CDC73: variants seen among roughly 807,000 people sequenced by gnomAD.
The protein encoded by CDC73 is parafibromin.
Under a neutral mutation model 83.7 loss-of-function variants are expected in CDC73, and 21 were observed. That is an observed-to-expected ratio of 0.25 (90% CI 0.18 to 0.36). The LOEUF (loss-of-function observed/expected upper bound fraction) is 0.36. CDC73 is among the 10% of genes least tolerant of loss of function. CDC73 has a pLI of 1.00. For synonymous variants in CDC73, 224 were observed against 212.9 expected (o/e 1.05, Z -0.45); for missense variants, 342 against 653.3 (o/e 0.52, Z 5.19).
At chr1:193,139,110 A>G (rs1048923062) in intron 6 of CDC73, among the ~76,000 whole-genome samples, 3 of 151,496 alleles carry the variant, frequency 2.0e-5, no homozygotes, top group African/African-American at 7.3e-5. Flanking sequence ...GTTCACTTAC[A>G]TTCTTCTCTT....
At chr1:193,147,116 C>T (rs1275585607) in intron 7 of CDC73, among the ~76,000 whole-genome samples, 1 of 151,894 alleles carries the variant, frequency 6.6e-6, no homozygotes, top group African/African-American at 2.4e-5. Flanking sequence ...CCTCAGCCTC[C>T]CAAGTAGCTG....
intron 14 of CDC73, among the ~76,000 whole-genome samples, chr1:193,234,907 A>AT (rs11448706): frequency 0.97 from 148,199 of 152,132 alleles, 72,209 homozygotes; most frequent in East Asian, 1. Context: ...ATTTTTTTTA[A>AT]TTTTTTATTT....
At chr1:193,199,118 A>C (rs185804781) in intron 10 of CDC73, among the ~76,000 whole-genome samples, 5 of 152,340 alleles carry the variant, frequency 3.3e-5, no homozygotes, top group African/African-American at 1.2e-4. Context: ...TCGTATACAT[A>C]TACCTCAAGG....
chr1:193,206,225 TTAATG>T (rs1677186995), intron 11 of CDC73, among the ~76,000 whole-genome samples: 1 of 152,162 alleles, frequency 6.6e-6, no homozygotes, highest in Non-Finnish European at 1.5e-5. Flanking sequence ...CTTTCACCTC[TTAATG>T]TTCTAGCTTA....
At chr1:193,200,566 G>A (rs539589749) in intron 10 of CDC73, among the ~76,000 whole-genome samples, 3 of 152,222 alleles carry the variant, frequency 2.0e-5, no homozygotes, top group South Asian at 2.1e-4. Context: ...AAATTATAAT[G>A]CTTCTGACTT....
chr1:193,240,136 C>A (rs1230469196), intron 15 of CDC73, among the ~76,000 whole-genome samples: 1 of 152,144 alleles, frequency 6.6e-6, no homozygotes, highest in Non-Finnish European at 1.5e-5. Flanking sequence ...TGCCTGGTTT[C>A]TTTCACTTAA....
chr1:193,156,384 T>C (rs771835040), intron 10 of CDC73, among the ~76,000 whole-genome samples: 12 of 152,234 alleles, frequency 7.9e-5, no homozygotes, highest in South Asian at 6.2e-4. Flanking sequence ...ACCCTGCAAT[T>C]ATAGAGATTA....
chr1:193,182,180 T>C (rs1013605026), intron 10 of CDC73, among the ~76,000 whole-genome samples: 10 of 152,164 alleles, frequency 6.6e-5, no homozygotes, highest in African/African-American at 1.9e-4. Context: ...AGAGTTCTGT[T>C]AGTCACAGTA....
At chr1:193,135,651 T>G (rs1437673492) in intron 5 of CDC73, 62 bp downstream of exon 5, 2 of 1,341,816 alleles carry the variant, frequency 1.5e-6, no homozygotes, top group Non-Finnish European at 1.0e-6. Context: ...GATTCTTTAG[T>G]AACAAGGATT....
In CDC73 at chr1:193,165,539, GATAC is replaced by G. The variant is rs573188706; in HGVS notation, c.972+13101_972+13104del. Among the ~76,000 whole-genome samples the G allele has an allele frequency of 1.4e-3, 213 of 152,266 alleles. 1 individual carries two copies. Among genetic ancestry groups the G allele is most frequent in the Middle Eastern group, 6.8e-3 (2 of 294 alleles). On this transcript the variant is annotated intron_variant, in intron 10 of 16. Transcript: ENST00000367435. ...CTGTGACATATTTGAAAGACGTGAA[GATAC>G]ATACAGCATAAATGCAAAGCATGAA... is the stretch of plus-strand genomic sequence containing the variant.
At chr1:193,212,134 T>C in intron 12 of CDC73, 34 bp downstream of exon 12, 1 of 1,512,454 alleles carries the variant, frequency 6.6e-7, no homozygotes, top group Admixed American at 1.9e-5. Flanking sequence ...AACTTAACTT[T>C]AAAAAGTAAA....
intron 10 of CDC73, among the ~76,000 whole-genome samples, chr1:193,192,788 A>G (rs1234566797): frequency 3.3e-5 from 5 of 152,242 alleles, no homozygotes; most frequent in African/African-American, 1.2e-4. Flanking sequence ...TTTAATGACA[A>G]AGGCATTGAG....
chr1:193,143,166 C>T (rs779313299), intron 7 of CDC73, among the ~76,000 whole-genome samples: 2 of 152,042 alleles, frequency 1.3e-5, no homozygotes, highest in Non-Finnish European at 2.9e-5. Flanking sequence ...TTCTTTTGTA[C>T]TTTGACTTTG....
At position 193,203,826 on chromosome 1, in the gene CDC73, C is replaced by T. The variant is rs1476163101; in HGVS notation, c.1004C>T (p.Pro335Leu). 6.2e-7 allele frequency: 1 copy of T among 1,613,720 alleles called. No individual in the cohort carries two copies. ...EGASARKTQTPAAQPVPRPVS... is the reference protein window; with the variant it reads ...EGASARKTQTLAAQPVPRPVS... ...GCATCTGCCCGGAAGACTCAGACTC[C>T]TGCAGCCCAGCCAGTACCAAGACCA... Residue 335 changes from proline to leucine, a missense_variant, in exon 11 of 17, where the codon CCT becomes CTT. Pro to Leu is a moderately conservative substitution (Grantham distance 98). Around this residue, in one of 3 missense-constraint regions of CDC73, gnomAD observed 239 missense variants for 420.6 expected, o/e 0.57. Transcript: ENST00000367435.
intron 10 of CDC73, among the ~76,000 whole-genome samples, chr1:193,164,360 T>C (rs1172126586): frequency 6.6e-6 from 1 of 152,216 alleles, no homozygotes; most frequent in East Asian, 1.9e-4. Context: ...TAATTTGCTG[T>C]AGCCCAGAGA....
At chr1:193,141,795 A>C in intron 6 of CDC73, 55 bp from the exon 7 acceptor site, 1 of 1,096,608 alleles carries the variant, frequency 9.1e-7, no homozygotes, top group South Asian at 1.3e-5. Flanking sequence ...AAATATATTT[A>C]TGATACACTC....
chr1:193,234,173 T>TCA (rs1473284325), intron 14 of CDC73, among the ~76,000 whole-genome samples: 29 of 68,342 alleles, frequency 4.2e-4, no homozygotes, highest in Middle Eastern at 8.2e-3. Flanking sequence ...TCTCTCTCTC[T>TCA]CTCACACACA....
chr1:193,218,915 C>G (rs1677415652), intron 13 of CDC73, among the ~76,000 whole-genome samples: 1 of 152,074 alleles, frequency 6.6e-6, no homozygotes. Context: ...CAAATGGGAG[C>G]TAAACCAAAA....
intron 15 of CDC73, 52 bp downstream of exon 15, chr1:193,236,408 A>G (rs1206099080): frequency 8.7e-7 from 1 of 1,144,540 alleles, no homozygotes; most frequent in South Asian, 1.2e-5. Context: ...TTCTCACTTT[A>G]TTTAAGAGAA....
Sources: gnomAD v4.1 joint callset for allele counts (sites outside exome capture counted in the v4.1 genomes callset) on GRCh38, gnomAD v4.1.1 for gene constraint, gnomAD v4.1.1 regional missense constraint, MANE v1.5 for transcripts, NCBI Gene and HGNC (gene_info 2026-07-23, HGNC 2026-07-21) for gene names.